Variants in CACNA1C observed in about 807,000 individuals in gnomAD.
CACNA1C encodes the protein calcium voltage-gated channel subunit alpha1 C, also known as voltage-dependent L-type calcium channel subunit alpha-1C.
In CACNA1C, 30 loss-of-function variants were observed where a neutral mutation model predicts 229.0. That is an observed-to-expected ratio of 0.13 (90% CI 0.10 to 0.18). The LOEUF is 0.18. Among genes scored for constraint, CACNA1C ranks in the 10% least tolerant of loss-of-function variants. CACNA1C has a pLI of 1.00. For missense variants in CACNA1C, 1,658 were observed against 2,845.0 expected (o/e 0.58, Z 9.49); for synonymous variants, 1,114 against 1,132.5 (o/e 0.98, Z 0.33).
intron 3 of CACNA1C, among the ~76,000 whole-genome samples, chr12:2,447,135 C>T (rs922881465): frequency 1.3e-5 from 2 of 152,160 alleles, no homozygotes; most frequent in Non-Finnish European, 2.9e-5. Flanking sequence ...TTCCCACTCC[C>T]ACAAACATCC....
intron 3 of CACNA1C, among the ~76,000 whole-genome samples, chr12:2,304,203 A>G (rs1239447719): frequency 6.6e-6 from 1 of 152,094 alleles, no homozygotes; most frequent in East Asian, 1.9e-4. Context: ...AAAAAGTCCC[A>G]GGGTGGATTC....
intron 1 of CACNA1C, among the ~76,000 whole-genome samples, chr12:2,033,172 G>A (rs1004952089): frequency 6.6e-6 from 1 of 152,092 alleles, no homozygotes; most frequent in Non-Finnish European, 1.5e-5. Context: ...ATTCCTTGAC[G>A]TACAAGGAAC....
rs2087304675 is a variant in CACNA1C, at chr12:2,275,369, T to A, written c.477+154939T>A. On this transcript the variant is annotated intron_variant, in intron 3 of 46. Coordinates refer to ENST00000399655, the MANE Select transcript of CACNA1C (RefSeq NM_000719.7). The surrounding 1 kb of genome is among the most constrained non-coding windows in gnomAD (Gnocchi z 4.1). ...CTCACCATCACCCAACAGGGGACAG[T>A]CCTGCTGGCTGTGTCTTCCCGGAAG... Among the ~76,000 whole-genome samples, 1 of 152,148 alleles carries A rather than the reference T, an allele frequency of 6.6e-6. No homozygotes were observed. The highest frequency in any genetic ancestry group is 6.5e-5 in the Admixed American group (1 of 15,278).
intron 3 of CACNA1C, among the ~76,000 whole-genome samples, chr12:2,259,447 A>C (rs1160455015): frequency 6.6e-6 from 1 of 152,258 alleles, no homozygotes; most frequent in African/African-American, 2.4e-5. Flanking sequence ...CAAAAAAAGA[A>C]AAAAAGAACA....
intron 9 of CACNA1C, among the ~76,000 whole-genome samples, chr12:2,513,194 A>G (rs1462892827): frequency 6.6e-6 from 1 of 152,192 alleles, no homozygotes; most frequent in Non-Finnish European, 1.5e-5. Context: ...AGAAAACCTC[A>G]TGCTCCTTTT....
intron 30 of CACNA1C, among the ~76,000 whole-genome samples, chr12:2,635,282 C>A (rs1407566243): frequency 2.0e-5 from 3 of 152,200 alleles, no homozygotes; most frequent in Admixed American, 6.5e-5. Flanking sequence ...CTATACAGTT[C>A]CTACCAGTTC....
chr12:2,059,790 G>C (rs758125915), intron 1 of CACNA1C, among the ~76,000 whole-genome samples: 1 of 152,174 alleles, frequency 6.6e-6, no homozygotes, highest in Non-Finnish European at 1.5e-5. Context: ...AGGCAGGGAT[G>C]TAACTAAATA....
intron 1 of CACNA1C, among the ~76,000 whole-genome samples, chr12:2,057,761 T>C (rs2055770821): frequency 6.6e-6 from 1 of 152,176 alleles, no homozygotes; most frequent in African/African-American, 2.4e-5. Context: ...GAACTTGGTA[T>C]GGCCAGATGT....
intron 6 of CACNA1C, among the ~76,000 whole-genome samples, chr12:2,491,883 T>TA (rs1291361755): frequency 2.6e-5 from 4 of 152,104 alleles, no homozygotes; most frequent in Admixed American, 6.5e-5. Context: ...TAATCACACT[T>TA]ACGATTGTTT....
intron 1 of CACNA1C, among the ~76,000 whole-genome samples, chr12:2,040,840 A>G (rs2049959278): frequency 6.6e-6 from 1 of 152,226 alleles, no homozygotes; most frequent in African/African-American, 2.4e-5. Flanking sequence ...CTTTGTACTC[A>G]GAATCCATTC....
At chr12:2,216,427 G>C (rs1211983629) in intron 3 of CACNA1C, among the ~76,000 whole-genome samples, 1 of 152,234 alleles carries the variant, frequency 6.6e-6, no homozygotes, top group African/African-American at 2.4e-5. Flanking sequence ...ACTGGAGGAG[G>C]TAAGGCCGTG....
At chr12:2,386,462 C>T (rs771108154) in intron 3 of CACNA1C, among the ~76,000 whole-genome samples, 12 of 152,188 alleles carry the variant, frequency 7.9e-5, no homozygotes, top group Non-Finnish European at 1.5e-4. Context: ...GGCCCAAACA[C>T]GAGTGCCATG....
chr12:2,041,678 G>A (rs1358804889), intron 1 of CACNA1C, among the ~76,000 whole-genome samples: 1 of 152,222 alleles, frequency 6.6e-6, no homozygotes, highest in Non-Finnish European at 1.5e-5. Flanking sequence ...AAGAAGGGAG[G>A]CATCTTGTTC....
intron 3 of CACNA1C, among the ~76,000 whole-genome samples, chr12:2,250,427 T>C (rs2075183430): frequency 6.6e-6 from 1 of 152,206 alleles, no homozygotes; most frequent in Non-Finnish European, 1.5e-5. Context: ...TAGTCAGGAT[T>C]GTGGGTGTGG....
At chr12:2,618,053 C>G (rs1568838362) in intron 29 of CACNA1C, among the ~76,000 whole-genome samples, 1 of 152,222 alleles carries the variant, frequency 6.6e-6, no homozygotes, top group Non-Finnish European at 1.5e-5. Context: ...TGTGCAGATG[C>G]AAGGGGACTT....
chr12:2,267,760 T>G (rs1286502243), intron 3 of CACNA1C, among the ~76,000 whole-genome samples: 4 of 152,190 alleles, frequency 2.6e-5, no homozygotes, highest in Non-Finnish European at 4.4e-5. Context: ...GCAGGGGGGT[T>G]GGAATGTGTC....
At chr12:2,625,768 C>G (rs1307469839) in intron 29 of CACNA1C, among the ~76,000 whole-genome samples, 2 of 149,810 alleles carry the variant, frequency 1.3e-5, no homozygotes, top group Non-Finnish European at 3.0e-5. Context: ...CTGGGCAAGA[C>G]CCCATCTCTA....
chr12:2,472,052 A>T (rs2099596373), intron 5 of CACNA1C, among the ~76,000 whole-genome samples: 1 of 152,102 alleles, frequency 6.6e-6, no homozygotes, highest in Non-Finnish European at 1.5e-5. Flanking sequence ...TTTCTCTCTC[A>T]GTTTTCAGCA....
intron 3 of CACNA1C, among the ~76,000 whole-genome samples, chr12:2,310,350 A>ATATATATATATATAT (rs1555425823): frequency 2.4e-5 from 3 of 127,314 alleles, no homozygotes; most frequent in Non-Finnish European, 4.8e-5. Context: ...GTTAAAAAAA[A>ATATATATATATATAT]AAATATATAT....
Sources: allele counts gnomAD v4.1 joint callset (sites outside exome capture counted in the v4.1 genomes callset), GRCh38; gene constraint gnomAD v4.1.1; non-coding constraint Gnocchi (gnomAD v3.1); transcripts MANE v1.5; gene names NCBI Gene and HGNC (gene_info 2026-07-23, HGNC 2026-07-21).